Variants in IGSF11 observed in about 807,000 individuals in gnomAD.
IGSF11 encodes CXADR like 1.
In IGSF11, 22 loss-of-function variants were observed where a neutral mutation model predicts 41.0. The ratio of observed to expected loss-of-function variants is 0.54; its 90% confidence interval spans 0.38 to 0.77. The LOEUF is 0.77. Among genes scored for constraint, IGSF11 ranks in the 30% least tolerant of loss-of-function variants. IGSF11 has a pLI of 0.00. For missense variants in IGSF11, 444 were observed against 530.8 expected, an observed-to-expected ratio of 0.84 and a Z score of 1.61; for synonymous variants, 219 against 201.3, an observed-to-expected ratio of 1.09 and a Z score of -0.74.
chr3:118,995,343 G>GCC (rs758240754), intron 1 of IGSF11, among the ~76,000 whole-genome samples: 4 of 152,082 alleles, frequency 2.6e-5, no homozygotes, highest in African/African-American at 7.2e-5. Flanking sequence ...AAGGCCTGGA[G>GCC]CCCTGTACAG....
At chr3:118,977,293 C>G (rs778464407) in intron 1 of IGSF11, among the ~76,000 whole-genome samples, 13 of 152,190 alleles carry the variant, frequency 8.5e-5, no homozygotes, top group Non-Finnish European at 1.3e-4. Flanking sequence ...CTGTTGCCCT[C>G]AGACAGGCAG....
chr3:119,112,009 G>T (rs920093040), intron 1 of IGSF11, among the ~76,000 whole-genome samples: 1 of 152,196 alleles, frequency 6.6e-6, no homozygotes, highest in Non-Finnish European at 1.5e-5. Flanking sequence ...CCACTGGGTG[G>T]TGCCTCCCAG....
At chr3:119,085,645 C>A (rs2076658825) in intron 1 of IGSF11, among the ~76,000 whole-genome samples, 1 of 152,102 alleles carries the variant, frequency 6.6e-6, no homozygotes, top group Admixed American at 6.5e-5. Flanking sequence ...CCAAACAATC[C>A]AATAAAAATG....
intron 1 of IGSF11, among the ~76,000 whole-genome samples, chr3:118,962,749 G>A (rs530935034): frequency 1.3e-4 from 20 of 152,082 alleles, no homozygotes; most frequent in Middle Eastern, 6.8e-3. Context: ...AGAATTCTGT[G>A]GGCATACCTA....
intron 1 of IGSF11, among the ~76,000 whole-genome samples, chr3:119,087,809 A>T (rs962445803): frequency 1.3e-5 from 2 of 152,098 alleles, no homozygotes; most frequent in African/African-American, 4.8e-5. Context: ...TAAATAAGGA[A>T]AAAAATTAAG....
chr3:118,906,903 A>G (rs1171400792), intron 4 of IGSF11, among the ~76,000 whole-genome samples: 2 of 152,172 alleles, frequency 1.3e-5, no homozygotes, highest in Non-Finnish European at 1.5e-5. Context: ...TAGATGTTTA[A>G]TAAGATTACA....
intron 1 of IGSF11, among the ~76,000 whole-genome samples, chr3:118,937,483 A>G (rs1943369450): frequency 6.6e-6 from 1 of 152,144 alleles, no homozygotes; most frequent in Admixed American, 6.5e-5. Flanking sequence ...TTACCATATA[A>G]TCTTTTTACA....
At chr3:118,929,651 T>C (rs1432135537) in intron 2 of IGSF11, among the ~76,000 whole-genome samples, 1 of 152,218 alleles carries the variant, frequency 6.6e-6, no homozygotes, top group Admixed American at 6.5e-5. Context: ...ACGTACACAT[T>C]CTATTAATAA....
intron 1 of IGSF11, among the ~76,000 whole-genome samples, chr3:118,955,583 T>C (rs752280514): frequency 2.6e-5 from 4 of 152,190 alleles, no homozygotes; most frequent in Non-Finnish European, 4.4e-5. Context: ...GCTGGCCAAA[T>C]GCATTGTCAA....
At chr3:119,137,940 A>G (rs568372760) in intron 1 of IGSF11, among the ~76,000 whole-genome samples, 2 of 150,740 alleles carry the variant, frequency 1.3e-5, no homozygotes, top group African/African-American at 2.4e-5. Context: ...ACAAATGGCA[A>G]ACTGGCATAT....
intron 1 of IGSF11, among the ~76,000 whole-genome samples, chr3:118,995,277 T>G (rs1005709456): frequency 6.6e-6 from 1 of 152,148 alleles, no homozygotes; most frequent in Non-Finnish European, 1.5e-5. Context: ...CAATGTTACA[T>G]AGTAACCCGA....
chr3:118,973,050 C>A (rs1025315928), intron 1 of IGSF11, among the ~76,000 whole-genome samples: 1 of 152,186 alleles, frequency 6.6e-6, no homozygotes, highest in Non-Finnish European at 1.5e-5. Context: ...CCTTTTATGT[C>A]TGTTCTAACT....
chr3:118,927,752 T>G (rs1452133544), intron 3 of IGSF11, among the ~76,000 whole-genome samples: 1 of 152,134 alleles, frequency 6.6e-6, no homozygotes, highest in African/African-American at 2.4e-5. Flanking sequence ...ATGAACTGAG[T>G]TTAGCCACCT....
At chr3:119,082,738 A>G (rs538637867) in intron 1 of IGSF11, among the ~76,000 whole-genome samples, 58 of 152,332 alleles carry the variant, frequency 3.8e-4, no homozygotes, top group Non-Finnish European at 3.8e-4. Flanking sequence ...TAGTGTTTGT[A>G]TGTTCAAACA....
At chr3:119,079,122 C>A (rs932618324) in intron 1 of IGSF11, among the ~76,000 whole-genome samples, 1 of 152,086 alleles carries the variant, frequency 6.6e-6, no homozygotes, top group Non-Finnish European at 1.5e-5. Flanking sequence ...CTTTGGGAAG[C>A]CGAAGTGGGC....
At chr3:118,907,290 T>G (rs1193087295) in intron 4 of IGSF11, among the ~76,000 whole-genome samples, 2 of 152,216 alleles carry the variant, frequency 1.3e-5, no homozygotes, top group African/African-American at 4.8e-5. Flanking sequence ...ATTAATTCAT[T>G]CATTTAATAA....
chr3:119,012,242 C>T (rs1414712941), intron 1 of IGSF11, among the ~76,000 whole-genome samples: 2 of 152,114 alleles, frequency 1.3e-5, no homozygotes, highest in Admixed American at 1.3e-4. Context: ...AACTGGCAAA[C>T]TATCAGTGAT....
At chr3:119,109,513 A>C (rs561271992), upstream of IGSF11, among the ~76,000 whole-genome samples, 13 of 152,078 alleles carry the variant, frequency 8.5e-5, no homozygotes, top group South Asian at 2.7e-3. Flanking sequence ...GTGGTCTATG[A>C]ATTTTGTTGA....
chr3:119,089,496 G>T (rs1335931554), intron 1 of IGSF11, among the ~76,000 whole-genome samples: 1 of 152,092 alleles, frequency 6.6e-6, no homozygotes, highest in African/African-American at 2.4e-5. Context: ...AAAGCTAGAA[G>T]CATTCTCCTT....
Sources: allele counts gnomAD v4.1 joint callset (sites outside exome capture counted in the v4.1 genomes callset), GRCh38; gene constraint gnomAD v4.1.1; transcripts MANE v1.5; gene names NCBI Gene and HGNC (gene_info 2026-07-23, HGNC 2026-07-21).